The following BNIP2 variants were observed in gnomAD, a reference collection of about 807,000 sequenced individuals.
BNIP2 encodes the protein BCL2/adenovirus E1B 19 kDa protein-interacting protein 2.
Under a neutral mutation model 43.4 loss-of-function variants are expected in BNIP2, and 36 were observed. The ratio of observed to expected loss-of-function variants is 0.83; its 90% CI spans 0.64 to 1.10. BNIP2 has a LOEUF of 1.10. Among genes scored for constraint, BNIP2 ranks in the 50% least tolerant of loss-of-function variants. BNIP2 has a pLI of 0.00. For synonymous variants in BNIP2, 146 were observed against 121.0 expected (o/e 1.21, Z -1.35); for missense variants, 417 against 374.1 (o/e 1.11, Z -0.95).
intron 5 of BNIP2, chr15:59,676,782 A>G (rs1224992580): frequency 5.3e-6 from 8 of 1,503,858 alleles, no homozygotes; most frequent in Admixed American, 3.9e-5. Context: ...AGCTTTTCGG[A>G]TATCTGCGGT....
intron 5 of BNIP2, among the ~76,000 whole-genome samples, chr15:59,673,699 G>T (rs1345724965): frequency 2.0e-5 from 3 of 152,108 alleles, no homozygotes; most frequent in Non-Finnish European, 2.9e-5. Context: ...CCAAAGCACT[G>T]GGCATGAGCC....
chr15:59,678,054 A>T lies in BNIP2; in HGVS notation c.329T>A (p.Ile110Asn), dbSNP rs754941489. The T allele has an allele frequency of 6.2e-7, 1 of 1,613,108 alleles. No homozygotes were observed. The highest frequency in any genetic ancestry group is 1.1e-5 in the South Asian group (1 of 90,804). Residue 110 changes from isoleucine to asparagine, a missense_variant, in exon 5 of 10, where the codon ATT (isoleucine) becomes AAT (asparagine). Coordinates refer to ENST00000607373, the MANE Select transcript of BNIP2 (RefSeq NM_004330.4). ...GTATTCAGTAATTGAGCCTTTCCTAATTACTTCAGTAGTCTTGGGTTTTGG... is the reference window on the plus strand; with the variant it reads ...GTATTCAGTAATTGAGCCTTTCCTATTTACTTCAGTAGTCTTGGGTTTTGG... The part of the protein sequence containing the change: ...DLPKPKTTEV[I>N]RKGSITEYTA...
intron 6 of BNIP2, 94 bp downstream of exon 6, chr15:59,672,543 A>C: frequency 1.1e-6 from 1 of 895,918 alleles, no homozygotes; most frequent in Non-Finnish European, 1.7e-6. Context: ...AAGAACTGGA[A>C]TATTTATAAT....
chr15:59,676,747 T>G (rs1595699190), intron 5 of BNIP2: 2 of 1,378,880 alleles, frequency 1.5e-6, no homozygotes, highest in African/African-American at 1.4e-5. Flanking sequence ...GGCGGCAGAG[T>G]TGGGGTGTCA....
Position 59,689,183 on chromosome 15 carries a change from C to T in BNIP2, c.-106G>A. 1.9e-6 allele frequency: 3 copies of T among 1,538,850 alleles called. No homozygotes were observed. Among genetic ancestry groups the T allele is most frequent in the Non-Finnish European group, 2.6e-6 (3 of 1,146,440 alleles). On this transcript the variant is annotated 5_prime_UTR_variant, in exon 1 of 10. Transcript: ENST00000607373. Reference sequence around the variant, plus strand: ...CGTCCTCTTCGCCCCTCCAGGCCGGCGACGTGGGGCTGACGGCCAGGTCGC... The same window carrying T: ...CGTCCTCTTCGCCCCTCCAGGCCGGTGACGTGGGGCTGACGGCCAGGTCGC...
chr15:59,668,064 G>A (rs1440075031), intron 9 of BNIP2: 1 of 1,255,804 alleles, frequency 8.0e-7, no homozygotes, highest in Non-Finnish European at 1.0e-6. Context: ...AATGCAAATG[G>A]ACTAGTCTAG....
rs780152765 is a variant in BNIP2 at position 59,671,229 on chromosome 15, G to A, written c.661C>T (p.Pro221Ser). Reference protein sequence around the residue: ...LNGATTRRKMPSLGWLRKCYQ... With the variant: ...LNGATTRRKMSSLGWLRKCYQ... ...CATTTCCTGAGCCATCCCAGACTGG[G>A]CATTTTTCTTCGAGTTGTTGCACCA... Residue 221 changes from proline (P) to serine (S), a missense_variant, in exon 7 of 10, where the codon CCC becomes TCC. Coordinates refer to ENST00000607373, the MANE Select transcript of BNIP2 (RefSeq NM_004330.4). 8 of 1,601,906 alleles carry A rather than the reference G, an allele frequency of 5.0e-6. No individual in the cohort carries two copies. Among genetic ancestry groups the A allele is most frequent in the Non-Finnish European group, 1.7e-6 (2 of 1,173,552 alleles).
chr15:59,675,807 C>T (rs1893246190), intron 5 of BNIP2, among the ~76,000 whole-genome samples: 2 of 152,254 alleles, frequency 1.3e-5, no homozygotes, highest in African/African-American at 2.4e-5. Context: ...ACTGTGGATA[C>T]GTGCAACAAC....
chr15:59,672,357 T>G, intron 6 of BNIP2: 1 of 241,422 alleles, frequency 4.1e-6, no homozygotes. Context: ...CACTGCAGCT[T>G]TGACCTCATG....
At chr15:59,679,797 C>T (rs371631088) in intron 3 of BNIP2, 29 bp from the exon 4 acceptor site, 18 of 1,439,416 alleles carry the variant, frequency 1.3e-5, no homozygotes, top group Middle Eastern at 1.9e-4. Flanking sequence ...GAAAAAGATA[C>T]GTAACAAGGA....
chr15:59,686,538 G>A lies in BNIP2; in HGVS notation c.-58+2597C>T, dbSNP rs544623035. Among the ~76,000 whole-genome samples the A allele has an allele frequency of 2.1e-4, 32 of 152,210 alleles. 1 individual carries two copies. The highest frequency in any genetic ancestry group is 6.8e-3 in the Middle Eastern group (2 of 294). On this transcript the variant is annotated intron_variant, in intron 1 of 9. Coordinates refer to ENST00000607373, the MANE Select transcript of BNIP2 (RefSeq NM_004330.4). Reference sequence around the variant, plus strand: ...TTACAGTAGGCAGATGGAAACGCCCGGGCAAGCCTTTCACTTCCCCATTTA... The same window carrying A: ...TTACAGTAGGCAGATGGAAACGCCCAGGCAAGCCTTTCACTTCCCCATTTA...
At chr15:59,683,152 G>A (rs1893800523) in intron 1 of BNIP2, among the ~76,000 whole-genome samples, 1 of 152,176 alleles carries the variant, frequency 6.6e-6, no homozygotes, top group African/African-American at 2.4e-5. Flanking sequence ...CTTGGTGAAT[G>A]CCCTTTTATG....
chr15:59,676,047 T>G (rs565589926), intron 5 of BNIP2, among the ~76,000 whole-genome samples: 4 of 152,214 alleles, frequency 2.6e-5, no homozygotes, highest in Non-Finnish European at 5.9e-5. Context: ...TGGGTATATA[T>G]GGTTATATAG....
At chr15:59,680,151 C>T in intron 3 of BNIP2, 90 bp downstream of exon 3, 1 of 991,922 alleles carries the variant, frequency 1.0e-6, no homozygotes, top group Non-Finnish European at 1.4e-6. Flanking sequence ...AATAAAAACT[C>T]AAGTTTTTTT....
At chr15:59,680,671 G>A (rs1399145147) in intron 2 of BNIP2, among the ~76,000 whole-genome samples, 4 of 152,234 alleles carry the variant, frequency 2.6e-5, no homozygotes, top group African/African-American at 9.6e-5. Flanking sequence ...TAAGTGTTGG[G>A]ATTACAGGCA....
intron 1 of BNIP2, among the ~76,000 whole-genome samples, chr15:59,685,155 A>T (rs1297611819): frequency 6.6e-6 from 1 of 152,200 alleles, no homozygotes; most frequent in Non-Finnish European, 1.5e-5. Flanking sequence ...CTAGAAGACA[A>T]TCCATTCCTT....
At position 59,689,246 on chromosome 15, in the gene BNIP2, G is replaced by T. The variant is rs1304028396; in HGVS notation, c.-169C>A. On this transcript the variant is annotated 5_prime_UTR_variant, in exon 1 of 10. Coordinates refer to ENST00000607373, the MANE Select transcript of BNIP2 (RefSeq NM_004330.4). Reference sequence around the variant, plus strand: ...CGAGCGGAGCCCGCTCCCCTCGGTCGGCGGTGGAGACCCCGGCCCAATCCC... The same window carrying T: ...CGAGCGGAGCCCGCTCCCCTCGGTCTGCGGTGGAGACCCCGGCCCAATCCC... The T allele has an allele frequency of 5.8e-6, 9 of 1,542,990 alleles. No homozygotes were observed. The African/African-American group carries it at 1.1e-4, about 19-fold the overall frequency.
chr15:59,664,205 A>G (rs1205031525), intron 9 of BNIP2, 85 bp from the exon 10 acceptor site: 15 of 869,770 alleles, frequency 1.7e-5, no homozygotes, highest in Admixed American at 2.9e-5. Context: ...AGCATAGAAT[A>G]TTACTCTGTT....
rs372858301 is a variant in BNIP2, at chr15:59,660,946, A to G, written c.*3123T>C. ...TTATCAACTTTTCCCCCTTCAATCC[A>G]CAGTCTTTATTCACATACCTTGCGT... On this transcript the variant is annotated 3_prime_UTR_variant, in exon 10 of 10. Coordinates refer to ENST00000607373, the MANE Select transcript of BNIP2 (RefSeq NM_004330.4). 6.6e-6 allele frequency: 1 copy of G among 152,108 alleles called. No individual in the cohort carries two copies. The highest frequency in any genetic ancestry group is 6.6e-5 in the Admixed American group (1 of 15,262). The allele number at this position is 152,108 out of a possible 1,614,324, so 9.4% of individuals were successfully genotyped here.
Sources: gnomAD v4.1 joint callset for allele counts (sites outside exome capture counted in the v4.1 genomes callset) on GRCh38, gnomAD v4.1.1 for gene constraint, MANE v1.5 for transcripts, NCBI Gene and HGNC (gene_info 2026-07-23, HGNC 2026-07-21) for gene names.